SLC27A1: variants seen among roughly 807,000 people sequenced by gnomAD.
The protein encoded by SLC27A1 is solute carrier family 27 member 1.
A neutral mutation model predicts 62.2 loss-of-function variants in SLC27A1; 61 were observed. The observed-to-expected ratio is 0.98, with a 90% CI of 0.80 to 1.21. SLC27A1 has a LOEUF of 1.21. Among genes scored for constraint, SLC27A1 ranks in the 50% most tolerant of loss-of-function variants. The probability of loss-of-function intolerance (pLI) is 0.00; values close to 1 mark genes in which losing one functional copy is unlikely to be tolerated. For missense variants in SLC27A1, 903 were observed against 932.1 expected, an observed-to-expected ratio of 0.97 and a Z score of 0.41; for synonymous variants, 435 against 408.6, an observed-to-expected ratio of 1.06 and a Z score of -0.78.
At chr19:17,502,844 CCTGA>C (rs200644186) in intron 11 of SLC27A1, among the ~76,000 whole-genome samples, 4,134 of 152,016 alleles carry the variant, frequency 0.027, 176 homozygotes, top group African/African-American at 0.09. Flanking sequence ...CACCACCATG[CCTGA>C]CTAATTTTTT....
rs756344605 is a variant in SLC27A1, at chr19:17,497,407, C to G, written c.1149C>G (p.Ile383Met). ...EFTERFGVRQ[I>M]GEFYGATECN... ...CGGAGCGCTTCGGCGTACGCCAAAT[C>G]GGGGAGTTCTACGGCGCCACCGAGT... The change falls in exon 7 of 12, where the codon ATC becomes ATG. Residue 383 changes from isoleucine (I) to methionine (M), a missense_variant. By Grantham distance (10) the Ile-to-Met change is conservative. Transcript: ENST00000252595. 3.1e-6 allele frequency: 5 copies of G among 1,604,154 alleles called. No homozygotes were observed. The highest frequency in any genetic ancestry group is 4.2e-6 in the Non-Finnish European group (5 of 1,176,984).
In SLC27A1 at chr19:17,497,427, C is replaced by G; in HGVS notation, c.1169C>G (p.Thr390Ser). ...VRQIGEFYGA[T>S]ECNCSIANMD... ...CAAATCGGGGAGTTCTACGGCGCCA[C>G]CGAGTGCAACTGCAGCATTGCCAAC... The change falls in exon 7 of 12, where the codon ACC (threonine) becomes AGC (serine). Residue 390 changes from threonine to serine, a missense_variant. Thr to Ser is a moderately conservative substitution (Grantham distance 58, BLOSUM62 1). Coordinates refer to ENST00000252595, the MANE Select transcript of SLC27A1 (RefSeq NM_198580.3). 6.2e-7 allele frequency: 1 copy of G among 1,606,470 alleles called. No individual in the cohort carries two copies. Among genetic ancestry groups the G allele is most frequent in the Non-Finnish European group, 8.5e-7 (1 of 1,177,612 alleles).
intron 1 of SLC27A1, among the ~76,000 whole-genome samples, chr19:17,481,100 A>T (rs1016010545): frequency 2.0e-5 from 3 of 150,986 alleles, no homozygotes; most frequent in Admixed American, 6.6e-5. Context: ...CAATTTTGTA[A>T]TTTTAGTTGA....
upstream of SLC27A1, chr19:17,469,122 G>C (rs1037464939): frequency 6.6e-6 from 1 of 152,246 alleles, no homozygotes; most frequent in Non-Finnish European, 1.5e-5. Context: ...TTCTAGGAAG[G>C]ATGGGGACCT....
chr19:17,479,327 A>G lies in SLC27A1; in HGVS notation c.168-7236A>G, dbSNP rs369086407. Among the ~76,000 whole-genome samples the G allele has an allele frequency of 2.6e-5, 4 of 152,312 alleles. No homozygotes were observed. The South Asian group carries it at 6.2e-4, about 24-fold the overall frequency. On this transcript the variant is annotated intron_variant, in intron 1 of 11. Transcript: ENST00000252595. ...ATGCAGGGAGGCACAAAGGCCTGTC[A>G]GTGTCTTTGTACTGGATTTGCTGTC...
Position 17,497,096 on chromosome 19 carries a change from C to A in SLC27A1, c.997-159C>A, listed in dbSNP as rs544832590. On this transcript the variant is annotated intron_variant, in intron 6 of 11. Transcript: ENST00000252595. ...ACGAGTCCTAGGAGTCAATGTGGTC[C>A]CTAATGGAGTGTGGACGATTCTGCA... 8.8e-5 allele frequency: 50 copies of A among 565,916 alleles called. 1 individual carries two copies. The highest frequency in any genetic ancestry group is 1.3e-4 in the Non-Finnish European group (42 of 323,340). The allele number at this position is 565,916 out of a possible 1,614,324, so 35.1% of individuals were successfully genotyped here. A position where few individuals can be genotyped will look rare whatever the true frequency, so the allele number is the denominator to read the frequency against.
At chr19:17,491,629 T>A (rs2075294687) in intron 6 of SLC27A1, among the ~76,000 whole-genome samples, 2 of 152,190 alleles carry the variant, frequency 1.3e-5, no homozygotes, top group Admixed American at 6.5e-5. Flanking sequence ...CCCAGCACTT[T>A]GGGAAGCCGA....
chr19:17,492,616 C>CAA lies in SLC27A1; in HGVS notation c.996+3517_996+3518dup, dbSNP rs35790162. ...GGGTGACAAGAGTGAGACTCCATCTCAAAAAAAAAAAAAAAAAAAGAAAAA... is the reference window on the plus strand; with the variant it reads ...GGGTGACAAGAGTGAGACTCCATCTCAAAAAAAAAAAAAAAAAAAAAGAAAAA... On this transcript the variant is annotated intron_variant, in intron 6 of 11. Coordinates refer to ENST00000252595, the MANE Select transcript of SLC27A1 (RefSeq NM_198580.3). Among the ~76,000 whole-genome samples, 231 of 70,284 alleles carry CAA rather than the reference C, an allele frequency of 3.3e-3. 1 individual carries two copies. Among genetic ancestry groups the CAA allele is most frequent in the Admixed American group, 6.2e-3 (35 of 5,662 alleles). The allele number at this position is 70,284 out of a possible 152,430, so 46.1% of individuals were successfully genotyped here. A position where few individuals can be genotyped will look rare whatever the true frequency, so the allele number is the denominator to read the frequency against.
intron 10 of SLC27A1, 107 bp downstream of exon 10, chr19:17,500,983 C>A: frequency 7.8e-7 from 1 of 1,276,738 alleles, no homozygotes; most frequent in Non-Finnish European, 1.1e-6. Context: ...ACCTGGACAA[C>A]TGCTCATGGC....
chr19:17,488,174 C>T lies in SLC27A1; in HGVS notation c.794+645C>T, dbSNP rs557348856. 3.3e-5 allele frequency among the ~76,000 whole-genome samples: 5 copies of T among 152,236 alleles called. No homozygotes were observed. The East Asian group carries it at 5.8e-4, about 18-fold the overall frequency. On this transcript the variant is annotated intron_variant, in intron 4 of 11. Coordinates refer to ENST00000252595, the MANE Select transcript of SLC27A1 (RefSeq NM_198580.3). Reference sequence around the variant, plus strand: ...AGGAGTTCGAGACCGTCCTGGCCAACGTGGCGAAACCCTGTCTCTACTAAA... The same window carrying T: ...AGGAGTTCGAGACCGTCCTGGCCAATGTGGCGAAACCCTGTCTCTACTAAA...
chr19:17,504,614 G>T lies in SLC27A1; in HGVS notation c.*2G>T, dbSNP rs373412967. ...TGCTCGGGCGCCTTCGCCCTCTGAA[G>T]CTGTTCCTCTACTGGCCACAAACTC... On this transcript the variant is annotated 3_prime_UTR_variant, in exon 12 of 12. Transcript: ENST00000252595. The T allele has an allele frequency of 2.1e-5, 34 of 1,613,974 alleles. No individual in the cohort carries two copies. The highest frequency in any genetic ancestry group is 1.6e-4 in the Middle Eastern group (1 of 6,084).
intron 4 of SLC27A1, 58 bp from the exon 5 acceptor site, chr19:17,488,790 G>T: frequency 6.7e-7 from 1 of 1,492,672 alleles, no homozygotes; most frequent in Non-Finnish European, 9.2e-7. Context: ...CCCCATGCCT[G>T]TACCCTGGGG....
intron 1 of SLC27A1, among the ~76,000 whole-genome samples, chr19:17,482,948 C>T (rs1001565566): frequency 2.4e-4 from 36 of 149,862 alleles, no homozygotes; most frequent in African/African-American, 9.1e-4. Context: ...AGATCTCCTG[C>T]GTGCTCACAA....
intron 7 of SLC27A1, among the ~76,000 whole-genome samples, chr19:17,499,674 G>C (rs968903145): frequency 6.6e-6 from 1 of 151,878 alleles, no homozygotes; most frequent in African/African-American, 2.4e-5. Context: ...AATTGTTTGG[G>C]CTCAGTGGCA....
At chr19:17,503,237 G>A (rs2075436199) in intron 11 of SLC27A1, among the ~76,000 whole-genome samples, 2 of 151,528 alleles carry the variant, frequency 1.3e-5, no homozygotes, top group Non-Finnish European at 2.9e-5. Flanking sequence ...ATTTGGGTGG[G>A]GACACAGCCA....
intron 1 of SLC27A1, among the ~76,000 whole-genome samples, chr19:17,475,585 G>A (rs2075114675): frequency 6.6e-6 from 1 of 152,138 alleles, no homozygotes; most frequent in Admixed American, 6.6e-5. Flanking sequence ...AGAGAACAGA[G>A]GCACAGAGAG....
At chr19:17,492,927 C>T (rs1360212693) in intron 6 of SLC27A1, among the ~76,000 whole-genome samples, 2 of 146,118 alleles carry the variant, frequency 1.4e-5, no homozygotes, top group Non-Finnish European at 3.0e-5. Flanking sequence ...GCAACGAGAG[C>T]GAAACTCCGT....
At chr19:17,488,025 G>A (rs2075255291) in intron 4 of SLC27A1, among the ~76,000 whole-genome samples, 1 of 152,078 alleles carries the variant, frequency 6.6e-6, no homozygotes, top group Non-Finnish European at 1.5e-5. Context: ...GACCTCCCCT[G>A]TCCCAGACCT....
chr19:17,480,541 C>CTTTTTTTTTTTT (rs3079223), intron 1 of SLC27A1, among the ~76,000 whole-genome samples: 5 of 111,772 alleles, frequency 4.5e-5, no homozygotes, highest in Non-Finnish European at 8.6e-5. Flanking sequence ...TAATTTTTTT[C>CTTTTTTTTTTTT]TTTTTTTTTT....
Sources: gnomAD v4.1 joint callset for allele counts (sites outside exome capture counted in the v4.1 genomes callset) on GRCh38, gnomAD v4.1.1 for gene constraint, MANE v1.5 for transcripts, NCBI Gene and HGNC (gene_info 2026-07-23, HGNC 2026-07-21) for gene names.